NRG3: variants seen among roughly 807,000 people sequenced by gnomAD.
NRG3 encodes the protein pro-neuregulin-3, membrane-bound isoform.
A neutral mutation model predicts 66.9 loss-of-function variants in NRG3; 31 were observed. That is an observed-to-expected ratio of 0.46 (90% CI 0.35 to 0.63). NRG3 has a LOEUF of 0.63. NRG3 is among the 20% of genes least tolerant of loss of function. The pLI is 0.00. For synonymous variants in NRG3, 393 were observed against 359.4 expected (o/e 1.09, Z -1.06); for missense variants, 910 against 878.9 (o/e 1.04, Z -0.45).
At chr10:82,500,899 G>A (rs73307862) in intron 2 of NRG3, among the ~76,000 whole-genome samples, 1 of 152,084 alleles carries the variant, frequency 6.6e-6, no homozygotes, top group African/African-American at 2.4e-5. Flanking sequence ...AGGTCTAGAT[G>A]GTAGATGGTT....
At chr10:82,401,062 A>G (rs1167301068) in intron 2 of NRG3, among the ~76,000 whole-genome samples, 5 of 152,162 alleles carry the variant, frequency 3.3e-5, no homozygotes, top group African/African-American at 1.2e-4. Context: ...AGACAGAGGC[A>G]AAGAATTCCA....
intron 8 of NRG3, among the ~76,000 whole-genome samples, chr10:82,981,676 G>A (rs1455131299): frequency 2.6e-5 from 4 of 152,230 alleles, no homozygotes; most frequent in East Asian, 3.9e-4. Context: ...ACCTAACATC[G>A]ATCTTATTGT....
chr10:82,563,489 T>A (rs1306937583), intron 2 of NRG3, among the ~76,000 whole-genome samples: 1 of 152,050 alleles, frequency 6.6e-6, no homozygotes, highest in Non-Finnish European at 1.5e-5. Flanking sequence ...TTCCCTGAGA[T>A]TTTTTCTAAT....
At chr10:82,747,987 T>C (rs2058712038) in intron 3 of NRG3, among the ~76,000 whole-genome samples, 1 of 151,462 alleles carries the variant, frequency 6.6e-6, no homozygotes, top group Non-Finnish European at 1.5e-5. Context: ...TAAAAACACA[T>C]TTAATTTTTC....
chr10:82,076,340 A>G (rs1341878551), intron 1 of NRG3, among the ~76,000 whole-genome samples: 2 of 152,218 alleles, frequency 1.3e-5, no homozygotes, highest in East Asian at 1.9e-4. Flanking sequence ...AGCTCTGATT[A>G]TATCTACCTT....
At chr10:82,541,562 A>G (rs556878175) in intron 2 of NRG3, among the ~76,000 whole-genome samples, 1 of 152,314 alleles carries the variant, frequency 6.6e-6, no homozygotes, top group South Asian at 2.1e-4. Flanking sequence ...AGAACAGGAC[A>G]GGGATTTTCA....
intron 7 of NRG3, 76 bp downstream of exon 7, chr10:82,973,991 G>C: frequency 1.3e-6 from 2 of 1,544,482 alleles, no homozygotes; most frequent in South Asian, 2.3e-5. Context: ...CCAAGGACTG[G>C]CAGCATGACT....
intron 1 of NRG3, among the ~76,000 whole-genome samples, chr10:81,984,459 T>C (rs1171760766): frequency 6.6e-6 from 1 of 152,212 alleles, no homozygotes; most frequent in African/African-American, 2.4e-5. Context: ...TTATGGTCAG[T>C]TTCCAAATGG....
intron 1 of NRG3, among the ~76,000 whole-genome samples, chr10:82,307,333 A>G (rs1275528047): frequency 6.6e-6 from 1 of 152,166 alleles, no homozygotes; most frequent in African/African-American, 2.4e-5. Flanking sequence ...TCATTAAGGA[A>G]GAGGAGAAAA....
chr10:81,946,183 A>C (rs376128539), intron 1 of NRG3, among the ~76,000 whole-genome samples: 27 of 152,166 alleles, frequency 1.8e-4, no homozygotes, highest in South Asian at 4.2e-4. Context: ...CGCCCAGCTA[A>C]ATTTTGTACT....
At chr10:82,409,163 T>C (rs76032150) in intron 2 of NRG3, among the ~76,000 whole-genome samples, 2,287 of 152,278 alleles carry the variant, frequency 0.015, 45 homozygotes, top group African/African-American at 0.046. Flanking sequence ...TTATCAAGAC[T>C]ATCTACCAAT....
chr10:82,959,847 T>C (rs11816558), intron 6 of NRG3, among the ~76,000 whole-genome samples: 58,208 of 152,050 alleles, frequency 0.38, 12,005 homozygotes, highest in Middle Eastern at 0.49. Context: ...TTTTAACCAT[T>C]ACTGAGGTAT....
chr10:82,260,634 A>C (rs1228221216), intron 1 of NRG3, among the ~76,000 whole-genome samples: 2 of 152,164 alleles, frequency 1.3e-5, no homozygotes, highest in Non-Finnish European at 2.9e-5. Flanking sequence ...GTGAGAATGG[A>C]CTGGAGTGGT....
intron 1 of NRG3, among the ~76,000 whole-genome samples, chr10:82,163,888 G>C (rs2071808425): frequency 6.6e-6 from 1 of 151,716 alleles, no homozygotes; most frequent in Non-Finnish European, 1.5e-5. Flanking sequence ...GGACCTATAT[G>C]ATAGGGTCTA....
At chr10:82,049,496 A>C (rs561155907) in intron 1 of NRG3, among the ~76,000 whole-genome samples, 1 of 152,212 alleles carries the variant, frequency 6.6e-6, no homozygotes, top group African/African-American at 2.4e-5. Flanking sequence ...GGGGCTGCCA[A>C]GTAACTTTCC....
At chr10:82,314,115 A>G (rs556328489) in intron 1 of NRG3, among the ~76,000 whole-genome samples, 26 of 152,352 alleles carry the variant, frequency 1.7e-4, no homozygotes, top group African/African-American at 6.0e-4. Context: ...GAGAAACAAG[A>G]TAACCTAGCA....
intron 1 of NRG3, among the ~76,000 whole-genome samples, chr10:82,299,363 A>G (rs1398112535): frequency 6.6e-6 from 1 of 152,194 alleles, no homozygotes; most frequent in East Asian, 1.9e-4. Flanking sequence ...AAAACTAAGT[A>G]CAGAAAGGTT....
chr10:82,006,769 A>G (rs1271825991), intron 1 of NRG3, among the ~76,000 whole-genome samples: 1 of 152,076 alleles, frequency 6.6e-6, no homozygotes, highest in African/African-American at 2.4e-5. Flanking sequence ...TTTTAAGGTC[A>G]TTTATTCTGT....
intron 2 of NRG3, among the ~76,000 whole-genome samples, chr10:82,433,031 A>T (rs768759778): frequency 6.6e-6 from 1 of 152,190 alleles, no homozygotes; most frequent in Non-Finnish European, 1.5e-5. Flanking sequence ...TCGTTGAGGA[A>T]TCACCATACT....
Sources: gnomAD v4.1 joint callset for allele counts (sites outside exome capture counted in the v4.1 genomes callset) on GRCh38, gnomAD v4.1.1 for gene constraint, MANE v1.5 for transcripts, NCBI Gene and HGNC (gene_info 2026-07-23, HGNC 2026-07-21) for gene names.